RSPH1: variants seen among roughly 807,000 people sequenced by gnomAD.
RSPH1 encodes radial spoke head 1 homolog.
In RSPH1, 32 loss-of-function variants were observed where a neutral mutation model predicts 44.2. That is an observed-to-expected ratio of 0.72 (90% CI 0.55 to 0.97). The LOEUF (loss-of-function observed/expected upper bound fraction) is 0.97. Ranked by LOEUF, RSPH1 falls within the 50% of genes least tolerant of loss-of-function variation. The pLI, the probability that RSPH1 is intolerant of heterozygous loss-of-function variation, is 0.00. For missense variants in RSPH1, 391 were observed against 398.7 expected (o/e 0.98, Z 0.16); for synonymous variants, 134 against 147.3 (o/e 0.91, Z 0.65).
At chr21:42,490,245 G>A (rs1382007717) in intron 3 of RSPH1, among the ~76,000 whole-genome samples, 1 of 152,104 alleles carries the variant, frequency 6.6e-6, no homozygotes, top group African/African-American at 2.4e-5. Context: ...CTGGCTCCTG[G>A]ACTCCCTAAT....
In RSPH1 at chr21:42,485,706, A is replaced by G. The variant is rs975465476; in HGVS notation, c.464T>C (p.Leu155Pro). The G allele has an allele frequency of 2.5e-6, 4 of 1,614,058 alleles. No individual in the cohort carries two copies. Among genetic ancestry groups the G allele is most frequent in the Non-Finnish European group, 3.4e-6 (4 of 1,180,044 alleles). The change falls in exon 5 of 9, where the codon CTG becomes CCG. Residue 155 changes from leucine (L) to proline (P), a missense_variant. By Grantham distance (98) the Leu-to-Pro change is moderately conservative. Coordinates refer to ENST00000291536, the MANE Select transcript of RSPH1 (RefSeq NM_080860.4). ...QQEGTAELIH[L>P]NHRYQGKFLN... ...GAACTTGCCCTGGTACCTGTGGTTC[A>G]GGTGAATGAGCTCGGCCGTGCCCTC... is the stretch of plus-strand genomic sequence containing the variant.
chr21:42,481,707 G>A (rs2054129094), intron 6 of RSPH1, among the ~76,000 whole-genome samples: 1 of 152,142 alleles, frequency 6.6e-6, no homozygotes, highest in South Asian at 2.1e-4. Flanking sequence ...CAGTACCAGG[G>A]TCAGGAAATG....
At chr21:42,483,109 T>A (rs1050715494) in intron 5 of RSPH1, among the ~76,000 whole-genome samples, 1 of 152,176 alleles carries the variant, frequency 6.6e-6, no homozygotes, top group Non-Finnish European at 1.5e-5. Context: ...TACTGAGAAA[T>A]ATGGCATGAA....
At chr21:42,493,545 C>G (rs1360609669) in intron 1 of RSPH1, among the ~76,000 whole-genome samples, 1 of 152,210 alleles carries the variant, frequency 6.6e-6, no homozygotes, top group Non-Finnish European at 1.5e-5. Flanking sequence ...GCAACTCTTC[C>G]CTCAAATGAT....
intron 6 of RSPH1, among the ~76,000 whole-genome samples, chr21:42,480,769 G>A (rs1377737642): frequency 6.6e-6 from 1 of 152,038 alleles, no homozygotes; most frequent in Non-Finnish European, 1.5e-5. Flanking sequence ...TGGAGCATTA[G>A]GTAGAGACAG....
At position 42,496,202 on chromosome 21, in the gene RSPH1, T is replaced by C; in HGVS notation, c.-16A>G. The stretch of plus-strand genomic sequence containing the variant: ...GGTCCGACATGGTCTCGCCCCAGCC[T>C]GGATCACAGCCGCAGCGCCTCTAGC... On this transcript the variant is annotated 5_prime_UTR_variant, in exon 1 of 9. Coordinates refer to ENST00000291536, the MANE Select transcript of RSPH1 (RefSeq NM_080860.4). The C allele has an allele frequency of 1.2e-6, 2 of 1,614,042 alleles. No homozygotes were observed. The highest frequency in any genetic ancestry group is 1.7e-6 in the Non-Finnish European group (2 of 1,179,918).
chr21:42,475,958 C>A lies in RSPH1; in HGVS notation c.817G>T (p.Val273Phe), dbSNP rs374702500. Residue 273 changes from valine to phenylalanine, a missense_variant, in exon 8 of 9, where the codon GTC becomes TTC. Val to Phe is a conservative substitution (Grantham distance 50). Transcript: ENST00000291536. ...TACTCCCGGCTCTCTTCCCGGAGGA[C>A]GTCTGCATCTTCATCTCCAGGCCTC... ...DMRPGDEDAD[V>F]LREESREYDQ... is the part of the protein sequence containing the mutation. 1.2e-6 allele frequency: 2 copies of A among 1,612,172 alleles called. No individual in the cohort carries two copies. The highest frequency in any genetic ancestry group is 2.2e-5 in the South Asian group (2 of 90,808).
At chr21:42,495,910 C>A in intron 1 of RSPH1, 1 of 551,030 alleles carries the variant, frequency 1.8e-6, no homozygotes, top group African/African-American at 1.9e-5. Context: ...GGGGGAAGAA[C>A]GAGGCGGCAT....
rs982332720 is a variant in RSPH1, at chr21:42,486,494, G to A, written c.275-33C>T. On this transcript the variant is annotated intron_variant, in intron 3 of 8. Transcript: ENST00000291536. The stretch of plus-strand genomic sequence containing the variant: ...GAACAACACAAAGGCAAGCCCAGGT[G>A]AGAAGAAGGGATCGATGCCCTGTAC... 5 of 1,450,988 alleles carry A rather than the reference G, an allele frequency of 3.4e-6. No individual in the cohort carries two copies. In the African/African-American group the frequency reaches 7.0e-5, roughly 20 times the overall value. 89.9% of individuals were successfully genotyped at this position (1,450,988 alleles called of 1,614,324 possible). A position where few individuals can be genotyped will look rare whatever the true frequency, so the allele number is the denominator to read the frequency against.
chr21:42,485,938 T>C, intron 4 of RSPH1, 134 bp from the exon 5 acceptor site: 1 of 1,135,536 alleles, frequency 8.8e-7, no homozygotes, highest in Admixed American at 2.0e-5. Flanking sequence ...TCTATATCTG[T>C]GTCCAGTCAG....
chr21:42,485,818 G>A lies in RSPH1; in HGVS notation c.366-14C>T. The A allele has an allele frequency of 6.2e-7, 1 of 1,614,072 alleles. No individual in the cohort carries two copies. Among genetic ancestry groups the A allele is most frequent in the South Asian group, 1.1e-5 (1 of 91,080 alleles). ...CCTTGCCCATGCCTGGTTAAGACAA[G>A]GGGAACATGGTATTTCGTTCCAGCA... On this transcript the variant is annotated splice_polypyrimidine_tract_variant and intron_variant, in intron 4 of 8. Transcript: ENST00000291536.
In RSPH1 at chr21:42,472,636, C is replaced by T. The variant is rs1127455; in HGVS notation, c.*182G>A. 0.091 allele frequency: 43,245 copies of T among 477,058 alleles called. 2,448 individuals are homozygous for T. Among genetic ancestry groups the T allele is most frequent in the Middle Eastern group, 0.19 (445 of 2,294 alleles). The allele number at this position is 477,058 out of a possible 1,614,324, so 29.6% of individuals were successfully genotyped here. On this transcript the variant is annotated 3_prime_UTR_variant, in exon 9 of 9. Transcript: ENST00000291536. ...GTTTATTTTTTGAGACAGGGTCTCG[C>T]TCTGCCACCCAGGCTGGAGAGCAGT...
At chr21:42,475,391 AC>A (rs1265628825) in intron 8 of RSPH1, among the ~76,000 whole-genome samples, 6 of 151,566 alleles carry the variant, frequency 4.0e-5, no homozygotes, top group African/African-American at 7.3e-5. Context: ...ACACGGTGAA[AC>A]CCACCTCTAC....
chr21:42,472,705 G>A lies in RSPH1; in HGVS notation c.*113C>T, dbSNP rs945329086. The stretch of plus-strand genomic sequence containing the variant: ...TGCAACTGCCACTTTCTGGACTCAA[G>A]CAATCCTCCTGCCTCAGCCTCTCAA... On this transcript the variant is annotated 3_prime_UTR_variant, in exon 9 of 9. Transcript: ENST00000291536. 1.0e-5 allele frequency: 8 copies of A among 778,560 alleles called. No individual in the cohort carries two copies. In the African/African-American group the frequency reaches 1.2e-4, roughly 12 times the overall value. 48.2% of individuals were successfully genotyped at this position (778,560 alleles called of 1,614,324 possible).
rs763672241 is a variant in RSPH1, at chr21:42,496,137, A to G, written c.50T>C (p.Ile17Thr). ...TTTCTCACCAGGAGCTCTCACCCCA[A>G]TATCATTCTCTCCCTCCTCCTCCAA... is the stretch of plus-strand genomic sequence containing the variant. ...EELEEEGEND[I>T]GEYEGGRNEA... is the part of the protein sequence containing the mutation. Residue 17 changes from isoleucine to threonine, a missense_variant, in exon 1 of 9, where the codon ATT (isoleucine) becomes ACT (threonine). Ile to Thr is a moderately conservative substitution (Grantham distance 89). Coordinates refer to ENST00000291536, the MANE Select transcript of RSPH1 (RefSeq NM_080860.4). 1.2e-5 allele frequency: 19 copies of G among 1,613,904 alleles called. No individual in the cohort carries two copies. The highest frequency in any genetic ancestry group is 1.6e-5 in the Non-Finnish European group (19 of 1,179,922).
chr21:42,481,827 C>T (rs932614792), intron 6 of RSPH1, among the ~76,000 whole-genome samples: 7 of 152,098 alleles, frequency 4.6e-5, no homozygotes, highest in African/African-American at 7.2e-5. Context: ...TGCCTTATAA[C>T]GGCAATATTA....
Position 42,487,279 on chromosome 21 carries a change from T to C in RSPH1, c.275-818A>G, listed in dbSNP as rs143093793. ...AGAAAACTCAAAACGTCCTCAAATCTTACAGCTCACTTAGGAAAGAAACTT... is the reference window on the plus strand; with the variant it reads ...AGAAAACTCAAAACGTCCTCAAATCCTACAGCTCACTTAGGAAAGAAACTT... On this transcript the variant is annotated intron_variant, in intron 3 of 8. Transcript: ENST00000291536. Among the ~76,000 whole-genome samples the C allele has an allele frequency of 4.3e-3, 652 of 152,284 alleles. 5 individuals are homozygous for C. The highest frequency in any genetic ancestry group is 0.015 in the African/African-American group (614 of 41,532).
intron 6 of RSPH1, among the ~76,000 whole-genome samples, chr21:42,477,751 A>G (rs2054084234): frequency 6.6e-6 from 1 of 152,248 alleles, no homozygotes; most frequent in African/African-American, 2.4e-5. Flanking sequence ...TGCAATAGCT[A>G]AGACATGGCC....
chr21:42,476,551 C>T (rs1368770717), intron 7 of RSPH1, among the ~76,000 whole-genome samples: 1 of 152,170 alleles, frequency 6.6e-6, no homozygotes, highest in African/African-American at 2.4e-5. Flanking sequence ...TTCAACTTTC[C>T]CCAGCACATT....
Sources: gnomAD v4.1 joint callset for allele counts (sites outside exome capture counted in the v4.1 genomes callset) on GRCh38, gnomAD v4.1.1 for gene constraint, MANE v1.5 for transcripts, NCBI Gene and HGNC (gene_info 2026-07-23, HGNC 2026-07-21) for gene names.